Variants in SNRNP40 observed in about 807,000 individuals in gnomAD.
SNRNP40 encodes the protein small nuclear ribonucleoprotein U5 subunit 40.
A neutral mutation model predicts 45.8 loss-of-function variants in SNRNP40; 21 were observed. The ratio of observed to expected loss-of-function variants is 0.46; its 90% CI spans 0.32 to 0.66. The LOEUF (loss-of-function observed/expected upper bound fraction) is 0.66, where lower values mean the gene tolerates loss of function less well. Among genes scored for constraint, SNRNP40 ranks in the 30% least tolerant of loss-of-function variants. The pLI is 0.03. For synonymous variants in SNRNP40, 142 were observed against 163.8 expected, an observed-to-expected ratio of 0.87 and a Z score of 1.01; for missense variants, 344 against 439.1, an observed-to-expected ratio of 0.78 and a Z score of 1.94.
chr1:31,292,117 C>CT, intron 2 of SNRNP40, 111 bp from the exon 3 acceptor site: 1 of 610,690 alleles, frequency 1.6e-6, no homozygotes, highest in East Asian at 3.1e-5. Flanking sequence ...AATCCCAGCA[C>CT]TTTGGGAGGC....
chr1:31,272,333 T>C (rs1321783838), intron 5 of SNRNP40, among the ~76,000 whole-genome samples: 3 of 152,116 alleles, frequency 2.0e-5, no homozygotes, highest in African/African-American at 7.2e-5. Context: ...TAAAAATAAA[T>C]TACAGGTTCA....
At chr1:31,273,530 C>T (rs1357281692) in intron 5 of SNRNP40, among the ~76,000 whole-genome samples, 2 of 152,026 alleles carry the variant, frequency 1.3e-5, no homozygotes, top group Non-Finnish European at 2.9e-5. Context: ...ATCCCAGCTA[C>T]TCGGGAGGCT....
intron 4 of SNRNP40, among the ~76,000 whole-genome samples, chr1:31,284,838 A>G (rs778191628): frequency 3.9e-5 from 6 of 152,210 alleles, no homozygotes; most frequent in Non-Finnish European, 8.8e-5. Flanking sequence ...AAATTAGTTC[A>G]TTACTCAGAT....
At chr1:31,260,465 A>G (rs1384512902) in intron 9 of SNRNP40, among the ~76,000 whole-genome samples, 1 of 152,110 alleles carries the variant, frequency 6.6e-6, no homozygotes, top group Admixed American at 6.6e-5. Flanking sequence ...TGTTATACTT[A>G]GCCCTGGAGA....
rs771494471 is a variant in SNRNP40, at chr1:31,260,059, C to T, written c.*13G>A. 3 of 1,602,456 alleles carry T rather than the reference C, an allele frequency of 1.9e-6. No individual in the cohort carries two copies. In the South Asian group the frequency reaches 3.3e-5, roughly 18 times the overall value. Reference sequence around the variant, plus strand: ...CAAAGACAAGCGGCCTTGGAGTCTTCCAGTCCATATCTTCACTGAATCTCT... The same window carrying T: ...CAAAGACAAGCGGCCTTGGAGTCTTTCAGTCCATATCTTCACTGAATCTCT... On this transcript the variant is annotated 3_prime_UTR_variant, in exon 10 of 10. Transcript: ENST00000263694.
At chr1:31,286,042 T>C (rs566848684) in intron 4 of SNRNP40, among the ~76,000 whole-genome samples, 1 of 151,272 alleles carries the variant, frequency 6.6e-6, no homozygotes, top group East Asian at 2.3e-4. Context: ...TGGGCTGAAA[T>C]AGGAGCCCTG....
chr1:31,291,668 T>C (rs2148391610), intron 3 of SNRNP40, among the ~76,000 whole-genome samples: 1 of 152,334 alleles, frequency 6.6e-6, no homozygotes, highest in Non-Finnish European at 1.5e-5. Context: ...AAAAATCACA[T>C]TTATTTTATG....
intron 3 of SNRNP40, among the ~76,000 whole-genome samples, chr1:31,290,704 C>T (rs1646099028): frequency 1.3e-5 from 2 of 151,726 alleles, no homozygotes. Context: ...GGTGAAACCC[C>T]ATCTCTATTA....
At chr1:31,269,478 C>T (rs113497904) in intron 6 of SNRNP40, 48 of 982,932 alleles carry the variant, frequency 4.9e-5, no homozygotes, top group African/African-American at 4.8e-4. Flanking sequence ...AAATGTCACA[C>T]ACAATGTTGG....
rs1308758062 is a variant in SNRNP40, at chr1:31,291,966, T to C, written c.312A>G (p.Thr104=). 1 of 1,613,464 alleles carries C rather than the reference T, an allele frequency of 6.2e-7. No individual in the cohort carries two copies. Among genetic ancestry groups the C allele is most frequent in the Non-Finnish European group, 8.5e-7 (1 of 1,179,412 alleles). Residue 104 remains threonine (T), a synonymous_variant, in exon 3 of 10, where the codon ACA becomes ACG. Transcript: ENST00000263694. ...NVYGDCDNYA[T]LKGHSGAVME... ...TCACTGCTCCACTGTGTCCCTTCAG[T>C]GTGGCATAGTTATCACAGTCACCAT...
intron 1 of SNRNP40, 108 bp from the exon 2 acceptor site, chr1:31,293,456 G>T: frequency 9.0e-7 from 1 of 1,110,804 alleles, no homozygotes; most frequent in Non-Finnish European, 1.3e-6. Context: ...TGATTAAGTG[G>T]GTTTCATCTG....
At chr1:31,288,431 C>T (rs2148390153) in intron 4 of SNRNP40, among the ~76,000 whole-genome samples, 1 of 152,230 alleles carries the variant, frequency 6.6e-6, no homozygotes, top group South Asian at 2.1e-4. Context: ...ATCAGTGGCT[C>T]CCAGAATGTG....
In SNRNP40 at chr1:31,261,580, C is replaced by T. The variant is rs1407984982; in HGVS notation, c.973G>A (p.Gly325Ser). The T allele has an allele frequency of 8.1e-6, 13 of 1,614,058 alleles. No homozygotes were observed. The highest frequency in any genetic ancestry group is 9.3e-6 in the Non-Finnish European group (11 of 1,179,992). ...TSRRILYKLP[G>S]HAGSINEVAF... ...ACTTCATTGATGGAGCCAGCATGGCCGGGCAGCTTATACAATATTCTCCTG... is the reference window on the plus strand; with the variant it reads ...ACTTCATTGATGGAGCCAGCATGGCTGGGCAGCTTATACAATATTCTCCTG... The change falls in exon 9 of 10, where the codon GGC becomes AGC. Residue 325 changes from glycine to serine, a missense_variant. Gly to Ser is a moderately conservative substitution (Grantham distance 56). Transcript: ENST00000263694.
chr1:31,273,904 G>A (rs574762877), intron 5 of SNRNP40, among the ~76,000 whole-genome samples: 3 of 152,250 alleles, frequency 2.0e-5, no homozygotes, highest in African/African-American at 7.2e-5. Context: ...GTGAGAAAGG[G>A]AAGCTTTCAC....
In SNRNP40 at chr1:31,282,628, A is replaced by ATG. The variant is rs1009919657; in HGVS notation, c.532-1133_532-1132insCA. 85 of 146,980 alleles carry ATG rather than the reference A, an allele frequency of 5.8e-4. 1 individual carries two copies. The highest frequency in any genetic ancestry group is 1.0e-4 in the Non-Finnish European group (7 of 66,680). 9.1% of individuals were successfully genotyped at this position (146,980 alleles called of 1,614,324 possible). The stretch of plus-strand genomic sequence containing the variant: ...CTATCTATCTATCTTTCTATCATCT[A>ATG]TATCTATCTATCTATGTATCTATGT... On this transcript the variant is annotated intron_variant, in intron 4 of 9. Coordinates refer to ENST00000263694, the MANE Select transcript of SNRNP40 (RefSeq NM_004814.3).
At chr1:31,269,509 T>A in intron 6 of SNRNP40, 1 of 661,568 alleles carries the variant, frequency 1.5e-6, no homozygotes, top group Non-Finnish European at 2.2e-6. Flanking sequence ...CAGAATGCAG[T>A]TGGGTGTGAT....
At chr1:31,283,113 T>C (rs1006167624) in intron 4 of SNRNP40, among the ~76,000 whole-genome samples, 2 of 152,194 alleles carry the variant, frequency 1.3e-5, no homozygotes, top group African/African-American at 4.8e-5. Flanking sequence ...AGATGTAAAC[T>C]GCATGGCAAG....
Position 31,284,884 on chromosome 1 carries a change from C to T in SNRNP40, c.532-3388G>A, listed in dbSNP as rs544271791. Among the ~76,000 whole-genome samples, 12 of 152,316 alleles carry T rather than the reference C, an allele frequency of 7.9e-5. No homozygotes were observed. In the South Asian group the frequency reaches 2.5e-3, roughly 32 times the overall value. ...AAAAGAACGCTTCACTCCTCTCCTACATGCCCAACATCTCCTACTCCCCCA... is the reference window on the plus strand; with the variant it reads ...AAAAGAACGCTTCACTCCTCTCCTATATGCCCAACATCTCCTACTCCCCCA... On this transcript the variant is annotated intron_variant, in intron 4 of 9. Transcript: ENST00000263694.
chr1:31,271,114 A>G, intron 6 of SNRNP40: 1 of 310,732 alleles, frequency 3.2e-6, no homozygotes, highest in Non-Finnish European at 5.9e-6. Flanking sequence ...ATCCTGTTGG[A>G]TACACAGCAT....
Sources: allele counts gnomAD v4.1 joint callset (sites outside exome capture counted in the v4.1 genomes callset), GRCh38; gene constraint gnomAD v4.1.1; transcripts MANE v1.5; gene names NCBI Gene and HGNC (gene_info 2026-07-23, HGNC 2026-07-21).